The following NOVA1 variants were observed in gnomAD, a reference collection of about 807,000 sequenced individuals.
NOVA1 encodes NOVA alternative splicing regulator 1, also known as RNA-binding protein Nova-1.
A neutral mutation model predicts 38.0 loss-of-function variants in NOVA1; 7 were observed. That is an observed-to-expected ratio of 0.18 (90% CI 0.10 to 0.35). The LOEUF is 0.35. Among genes scored for constraint, NOVA1 ranks in the 10% least tolerant of loss-of-function variants. NOVA1 has a pLI of 1.00. For missense variants in NOVA1, 460 were observed against 616.0 expected, an observed-to-expected ratio of 0.75 and a Z score of 2.68; for synonymous variants, 270 against 232.5, an observed-to-expected ratio of 1.16 and a Z score of -1.47.
intron 2 of NOVA1, among the ~76,000 whole-genome samples, chr14:26,590,534 A>T (rs892358921): frequency 6.6e-5 from 10 of 152,010 alleles, no homozygotes; most frequent in South Asian, 2.1e-4. Context: ...ATAATTTTTT[A>T]AAAAATTAAT....
At chr14:26,575,182 C>G (rs1892764474) in intron 2 of NOVA1, among the ~76,000 whole-genome samples, 1 of 152,098 alleles carries the variant, frequency 6.6e-6, no homozygotes, top group Non-Finnish European at 1.5e-5. Context: ...TTGACACTGA[C>G]TAAACGTCCA....
At chr14:26,508,551 TAC>T (rs1255845075) in intron 2 of NOVA1, among the ~76,000 whole-genome samples, 2 of 56,546 alleles carry the variant, frequency 3.5e-5, no homozygotes, top group Non-Finnish European at 5.5e-5. Context: ...TTTTCACATG[TAC>T]ATACACACAC....
intron 2 of NOVA1, among the ~76,000 whole-genome samples, chr14:26,507,118 A>G (rs1201663027): frequency 6.6e-6 from 1 of 152,186 alleles, no homozygotes; most frequent in African/African-American, 2.4e-5. Flanking sequence ...GTACTAATTT[A>G]TCATAAATTA....
intron 2 of NOVA1, among the ~76,000 whole-genome samples, chr14:26,503,600 CG>C (rs1887402269): frequency 6.6e-6 from 1 of 151,870 alleles, no homozygotes; most frequent in African/African-American, 2.4e-5. Context: ...AAGTACCAAA[CG>C]TTTTTTGACC....
intron 2 of NOVA1, among the ~76,000 whole-genome samples, chr14:26,542,841 TTA>T (rs1292320623): frequency 6.6e-6 from 1 of 151,634 alleles, no homozygotes; most frequent in Non-Finnish European, 1.5e-5. Context: ...GAATATCTAA[TTA>T]TCTTTATTTA....
rs1881818246 is a variant in NOVA1, at chr14:26,443,190, CCA to C, written c.*4767_*4768del. ...TTCCAAAATGAGCTTAAAACGTGTT[CCA>C]CAGTTTTTGCTTGTTTATATATCTA... On this transcript the variant is annotated 3_prime_UTR_variant, in exon 5 of 5. Transcript: ENST00000539517. 1 of 151,992 alleles carries C rather than the reference CCA, an allele frequency of 6.6e-6. No individual in the cohort carries two copies. 9.4% of individuals were successfully genotyped at this position (151,992 alleles called of 1,614,324 possible). A position where few individuals can be genotyped will look rare whatever the true frequency, so the allele number is the denominator to read the frequency against.
intron 2 of NOVA1, among the ~76,000 whole-genome samples, chr14:26,583,712 C>T (rs939472957): frequency 6.6e-6 from 1 of 151,268 alleles, no homozygotes; most frequent in African/African-American, 2.4e-5. Flanking sequence ...ATGTGAAATA[C>T]TTATAAATGA....
chr14:26,570,318 GC>G (rs1566546364), intron 2 of NOVA1, among the ~76,000 whole-genome samples: 1 of 152,000 alleles, frequency 6.6e-6, no homozygotes, highest in Non-Finnish European at 1.5e-5. Flanking sequence ...CTGCACTCCA[GC>G]CTGGGCAACG....
At chr14:26,530,330 A>G (rs2138548139) in intron 2 of NOVA1, among the ~76,000 whole-genome samples, 1 of 152,362 alleles carries the variant, frequency 6.6e-6, no homozygotes, top group South Asian at 2.1e-4. Flanking sequence ...ATCCTATTAA[A>G]TAATATACAG....
At chr14:26,470,364 G>C in intron 4 of NOVA1, 1 of 1,495,324 alleles carries the variant, frequency 6.7e-7, no homozygotes, top group Admixed American at 1.8e-5. Flanking sequence ...ATACTGTTGG[G>C]GAGAAAATAA....
intron 2 of NOVA1, among the ~76,000 whole-genome samples, chr14:26,508,857 A>G (rs1887841447): frequency 6.6e-6 from 1 of 151,844 alleles, no homozygotes; most frequent in Admixed American, 6.5e-5. Context: ...TTTTAAAATA[A>G]AAGAAAAAAT....
chr14:26,558,077 T>C (rs989376847), intron 2 of NOVA1, among the ~76,000 whole-genome samples: 6 of 151,196 alleles, frequency 4.0e-5, no homozygotes, highest in Admixed American at 2.0e-4. Flanking sequence ...GGCAAAACTA[T>C]AGAGACAGTA....
chr14:26,506,117 ATAG>A (rs1179276718), intron 2 of NOVA1, among the ~76,000 whole-genome samples: 1 of 152,236 alleles, frequency 6.6e-6, no homozygotes, highest in Non-Finnish European at 1.5e-5. Context: ...GAGACAGAAT[ATAG>A]TAATTAGAGC....
chr14:26,482,005 A>AAC (rs1555318961), intron 2 of NOVA1, among the ~76,000 whole-genome samples: 12 of 146,652 alleles, frequency 8.2e-5, no homozygotes, highest in Non-Finnish European at 1.8e-4. Context: ...AAAAAAAAAA[A>AAC]AAAAAAAAAC....
intron 2 of NOVA1, among the ~76,000 whole-genome samples, chr14:26,544,254 G>T (rs891920530): frequency 2.0e-5 from 3 of 151,924 alleles, no homozygotes; most frequent in Admixed American, 6.6e-5. Flanking sequence ...AAACTAAGCA[G>T]GGTAGTCAAA....
Position 26,444,233 on chromosome 14 carries a change from GTTTA to G in NOVA1, c.*3722_*3725del, listed in dbSNP as rs1289957580. ...TCTACCAATTTAATGCTTTCATACT[GTTTA>G]TTTTTTTCCAATAAAAAAATAAATC... On this transcript the variant is annotated 3_prime_UTR_variant, in exon 5 of 5. Transcript: ENST00000539517. 1 of 151,970 alleles carries G rather than the reference GTTTA, an allele frequency of 6.6e-6. No individual in the cohort carries two copies. The highest frequency in any genetic ancestry group is 1.5e-5 in the Non-Finnish European group (1 of 67,984). The allele number at this position is 151,970 out of a possible 1,614,324, so 9.4% of individuals were successfully genotyped here.
chr14:26,558,735 A>T (rs1297721049), intron 2 of NOVA1, among the ~76,000 whole-genome samples: 2 of 152,174 alleles, frequency 1.3e-5, no homozygotes, highest in Non-Finnish European at 2.9e-5. Flanking sequence ...GTCATTTTGC[A>T]ACATTTAACA....
chr14:26,503,385 A>C (rs1040279059), intron 2 of NOVA1, among the ~76,000 whole-genome samples: 9 of 152,094 alleles, frequency 5.9e-5, no homozygotes, highest in African/African-American at 1.9e-4. Flanking sequence ...GACTGGGAAA[A>C]GACTAATGTA....
chr14:26,570,268 A>G (rs1380629016), intron 2 of NOVA1, among the ~76,000 whole-genome samples: 4 of 151,808 alleles, frequency 2.6e-5, no homozygotes, highest in Admixed American at 2.6e-4. Flanking sequence ...AACAGCTTGA[A>G]CCTGGGAGGC....
Sources: gnomAD v4.1 joint callset for allele counts (sites outside exome capture counted in the v4.1 genomes callset) on GRCh38, gnomAD v4.1.1 for gene constraint, MANE v1.5 for transcripts, NCBI Gene and HGNC (gene_info 2026-07-23, HGNC 2026-07-21) for gene names.